Variants in GAREM1 observed in about 807,000 individuals in gnomAD.
GAREM1 encodes the protein GRB2 associated regulator of MAPK1 subtype 1.
Under a neutral mutation model 71.3 loss-of-function variants are expected in GAREM1, and 26 were observed. The observed-to-expected ratio is 0.36, with a 90% CI of 0.27 to 0.51. GAREM1 has a LOEUF of 0.51. Ranked by LOEUF, GAREM1 falls within the 20% of genes least tolerant of loss-of-function variation. The probability of loss-of-function intolerance (pLI) is 0.95; values close to 1 mark genes in which losing one functional copy is unlikely to be tolerated. For synonymous variants in GAREM1, 440 were observed against 433.2 expected (o/e 1.02, Z -0.20); for missense variants, 1,026 against 1,103.1 (o/e 0.93, Z 0.99).
chr18:32,415,057 T>C (rs1310669584), intron 1 of GAREM1, among the ~76,000 whole-genome samples: 2 of 152,108 alleles, frequency 1.3e-5, no homozygotes, highest in African/African-American at 2.4e-5. Flanking sequence ...CAAAGGATCA[T>C]TAGTGGCTAC....
intron 1 of GAREM1, among the ~76,000 whole-genome samples, chr18:32,464,543 A>G (rs1005873171): frequency 4.6e-5 from 7 of 152,152 alleles, no homozygotes; most frequent in Admixed American, 3.9e-4. Context: ...CCGAAGCCCA[A>G]TCTTGGTTAG....
chr18:32,295,805 G>A (rs898359632), intron 3 of GAREM1, among the ~76,000 whole-genome samples: 42 of 152,172 alleles, frequency 2.8e-4, no homozygotes, highest in African/African-American at 9.7e-4. Flanking sequence ...AAGGCTTAAA[G>A]TCCATTTTGG....
chr18:32,278,484 T>G (rs1257109119), intron 4 of GAREM1, among the ~76,000 whole-genome samples: 1 of 152,210 alleles, frequency 6.6e-6, no homozygotes, highest in East Asian at 1.9e-4. Flanking sequence ...GGAGCTTGAT[T>G]TAAAATGAGA....
chr18:32,343,316 T>G (rs1463134437), intron 2 of GAREM1, among the ~76,000 whole-genome samples: 1 of 149,876 alleles, frequency 6.7e-6, no homozygotes, highest in African/African-American at 2.5e-5. Context: ...CCACTGTTTT[T>G]TTTTTTTTTT....
chr18:32,350,015 G>A (rs1367139636), intron 2 of GAREM1, among the ~76,000 whole-genome samples: 1 of 152,218 alleles, frequency 6.6e-6, no homozygotes, highest in African/African-American at 2.4e-5. Context: ...TCTTGTTTAT[G>A]AAGTGGGAGA....
intron 4 of GAREM1, among the ~76,000 whole-genome samples, chr18:32,286,359 T>C (rs942144818): frequency 2.8e-4 from 43 of 151,122 alleles, no homozygotes; most frequent in African/African-American, 9.8e-4. Context: ...TGTGTGTGTG[T>C]ATAATACATT....
intron 1 of GAREM1, among the ~76,000 whole-genome samples, chr18:32,419,978 G>C (rs142748949): frequency 2.8e-4 from 43 of 152,282 alleles, no homozygotes; most frequent in African/African-American, 9.9e-4. Context: ...GAAGAGCCAC[G>C]TAACAGTATA....
chr18:32,420,659 C>A (rs1019651932), intron 1 of GAREM1, among the ~76,000 whole-genome samples: 2 of 151,566 alleles, frequency 1.3e-5, no homozygotes, highest in African/African-American at 4.9e-5. Context: ...TGCCTGTATT[C>A]CAATGTTTTA....
At chr18:32,285,679 T>C (rs2047007217) in intron 4 of GAREM1, among the ~76,000 whole-genome samples, 1 of 152,224 alleles carries the variant, frequency 6.6e-6, no homozygotes, top group Non-Finnish European at 1.5e-5. Context: ...TCTCCACACA[T>C]TATCTCTCTC....
At chr18:32,300,258 A>G (rs1181694962) in intron 3 of GAREM1, among the ~76,000 whole-genome samples, 1 of 152,234 alleles carries the variant, frequency 6.6e-6, no homozygotes, top group African/African-American at 2.4e-5. Flanking sequence ...ACAGGAAAAG[A>G]TGGTCTCTCT....
At chr18:32,293,842 A>C (rs1395830679) in intron 3 of GAREM1, among the ~76,000 whole-genome samples, 1 of 152,194 alleles carries the variant, frequency 6.6e-6, no homozygotes, top group Non-Finnish European at 1.5e-5. Context: ...CTTCCTGAGA[A>C]GTTCATGACC....
chr18:32,396,144 A>G lies in GAREM1; in HGVS notation c.122-3109T>C, dbSNP rs374061101. Among the ~76,000 whole-genome samples the G allele has an allele frequency of 7.7e-4, 118 of 152,356 alleles. 1 individual carries two copies. The East Asian group carries it at 0.018, about 24-fold the overall frequency. On this transcript the variant is annotated intron_variant, in intron 1 of 5. Transcript: ENST00000269209. ...AAACTAACAAACAGAAAGGACATCC[A>G]CACCAAAACGCCATCTGTATGTCAC... is the stretch of plus-strand genomic sequence containing the variant.
At chr18:32,441,127 T>C (rs2048732505) in intron 1 of GAREM1, among the ~76,000 whole-genome samples, 1 of 152,194 alleles carries the variant, frequency 6.6e-6, no homozygotes, top group Non-Finnish European at 1.5e-5. Context: ...ATCAAGACTC[T>C]AGTTCCTATG....
chr18:32,329,692 C>T (rs1344324368), intron 2 of GAREM1, among the ~76,000 whole-genome samples: 6 of 122,256 alleles, frequency 4.9e-5, no homozygotes, highest in Admixed American at 2.0e-4. Context: ...GGTGACAGAG[C>T]GAGACTCCAT....
intron 2 of GAREM1, among the ~76,000 whole-genome samples, chr18:32,358,802 C>T (rs2047832243): frequency 6.6e-6 from 1 of 152,180 alleles, no homozygotes; most frequent in South Asian, 2.1e-4. Context: ...AGCAACCTCA[C>T]TCAGGCTAGA....
intron 1 of GAREM1, among the ~76,000 whole-genome samples, chr18:32,463,901 A>G (rs1378105948): frequency 1.3e-5 from 2 of 151,268 alleles, no homozygotes; most frequent in South Asian, 2.1e-4. Flanking sequence ...ACATTATACT[A>G]GGCACTTCTT....
intron 1 of GAREM1, among the ~76,000 whole-genome samples, chr18:32,407,370 T>A (rs777487550): frequency 6.6e-6 from 1 of 152,120 alleles, no homozygotes; most frequent in Non-Finnish European, 1.5e-5. Context: ...TGAGTGGAGG[T>A]TGCAGTGAGC....
chr18:32,424,953 C>T (rs1350637274), intron 1 of GAREM1, among the ~76,000 whole-genome samples: 5 of 152,060 alleles, frequency 3.3e-5, no homozygotes, highest in Non-Finnish European at 5.9e-5. Flanking sequence ...TATATCAAAC[C>T]GTTCTAAAGA....
chr18:32,349,575 G>A (rs113586228), intron 2 of GAREM1, among the ~76,000 whole-genome samples: 115 of 152,146 alleles, frequency 7.6e-4, no homozygotes, highest in African/African-American at 2.5e-3. Flanking sequence ...TTGTGAAAAG[G>A]AAATTTAAAA....
Sources: allele counts gnomAD v4.1 joint callset (sites outside exome capture counted in the v4.1 genomes callset), GRCh38; gene constraint gnomAD v4.1.1; transcripts MANE v1.5; gene names NCBI Gene and HGNC (gene_info 2026-07-23, HGNC 2026-07-21).